The following TRIO variants were observed in gnomAD, a reference collection of about 807,000 sequenced individuals.
TRIO encodes trio Rho guanine nucleotide exchange factor, also known as triple functional domain protein.
A neutral mutation model predicts 351.9 loss-of-function variants in TRIO; 58 were observed. The ratio of observed to expected loss-of-function variants is 0.16; its 90% confidence interval spans 0.13 to 0.21. The LOEUF (loss-of-function observed/expected upper bound fraction) is 0.21, where lower values mean the gene tolerates loss of function less well. Among genes scored for constraint, TRIO ranks in the 10% least tolerant of loss-of-function variants. The pLI is 1.00. For synonymous variants in TRIO, 1,758 were observed against 1,595.7 expected, an observed-to-expected ratio of 1.10 and a Z score of -2.42; for missense variants, 3,201 against 4,027.8, an observed-to-expected ratio of 0.79 and a Z score of 5.56.
chr5:14,317,481 T>C (rs1739472796), intron 9 of TRIO, among the ~76,000 whole-genome samples: 1 of 152,278 alleles, frequency 6.6e-6, no homozygotes, highest in Middle Eastern at 3.4e-3. Flanking sequence ...CCTCAGGAAG[T>C]TGGCTGGGAA....
intron 1 of TRIO, among the ~76,000 whole-genome samples, chr5:14,185,925 G>A (rs530680894): frequency 5.3e-5 from 8 of 152,130 alleles, no homozygotes; most frequent in Admixed American, 2.0e-4. Flanking sequence ...GAGTACCTCC[G>A]CCAGTGAAGA....
chr5:14,308,493 A>T (rs1738585802), intron 8 of TRIO, among the ~76,000 whole-genome samples: 1 of 149,554 alleles, frequency 6.7e-6, no homozygotes, highest in South Asian at 2.1e-4. Context: ...CCAGCCACCC[A>T]TCCGTCCATC....
intron 16 of TRIO, among the ~76,000 whole-genome samples, chr5:14,368,214 T>A (rs1744768759): frequency 6.6e-6 from 1 of 152,248 alleles, no homozygotes; most frequent in Non-Finnish European, 1.5e-5. Flanking sequence ...TTCTTAGCTT[T>A]TTGATTTTTC....
intron 1 of TRIO, among the ~76,000 whole-genome samples, chr5:14,214,797 G>A (rs1182037330): frequency 6.6e-6 from 1 of 152,190 alleles, no homozygotes; most frequent in Non-Finnish European, 1.5e-5. Flanking sequence ...GTAGACAAGT[G>A]TGTGTTCTAT....
chr5:14,421,544 T>C (rs1291925648), intron 34 of TRIO, among the ~76,000 whole-genome samples: 1 of 144,488 alleles, frequency 6.9e-6, no homozygotes, highest in Non-Finnish European at 1.5e-5. Context: ...GCAGAGGTTG[T>C]AGGGAGCAGA....
At chr5:14,156,251 C>A (rs532171700) in intron 1 of TRIO, among the ~76,000 whole-genome samples, 1 of 152,228 alleles carries the variant, frequency 6.6e-6, no homozygotes, top group South Asian at 2.1e-4. Flanking sequence ...GCTTTCCTTG[C>A]CCCAGGGCTG....
intron 1 of TRIO, among the ~76,000 whole-genome samples, chr5:14,264,293 A>C (rs907215379): frequency 2.6e-5 from 4 of 152,176 alleles, no homozygotes; most frequent in African/African-American, 9.7e-5. Flanking sequence ...AATAAAAAAT[A>C]AACTACTTTC....
intron 9 of TRIO, among the ~76,000 whole-genome samples, chr5:14,320,914 C>T (rs1739820383): frequency 6.6e-6 from 1 of 152,172 alleles, no homozygotes; most frequent in Non-Finnish European, 1.5e-5. Flanking sequence ...AAGGTGCTAT[C>T]AGGAGTGAGG....
intron 1 of TRIO, among the ~76,000 whole-genome samples, chr5:14,205,093 G>A (rs367588420): frequency 2.6e-5 from 4 of 152,264 alleles, no homozygotes; most frequent in East Asian, 1.9e-4. Context: ...AAGTGCCCAC[G>A]GATTCAGGAG....
intron 39 of TRIO, among the ~76,000 whole-genome samples, chr5:14,473,538 C>T (rs1754833861): frequency 6.6e-6 from 1 of 152,168 alleles, no homozygotes; most frequent in Non-Finnish European, 1.5e-5. Context: ...ATTCAATCAA[C>T]TGTTGTTTAA....
chr5:14,163,092 C>G (rs543420484), intron 1 of TRIO, among the ~76,000 whole-genome samples: 35 of 152,146 alleles, frequency 2.3e-4, no homozygotes, highest in Non-Finnish European at 4.4e-4. Context: ...TGGTTTGTTA[C>G]ACCTATCAAC....
chr5:14,314,455 A>G (rs1581598159), intron 8 of TRIO, among the ~76,000 whole-genome samples: 1 of 152,244 alleles, frequency 6.6e-6, no homozygotes, highest in African/African-American at 2.4e-5. Context: ...TGGTGATGCG[A>G]GTATTGAGAA....
At chr5:14,436,181 G>A (rs1279977579) in intron 34 of TRIO, among the ~76,000 whole-genome samples, 1 of 152,202 alleles carries the variant, frequency 6.6e-6, no homozygotes, top group Non-Finnish European at 1.5e-5. Flanking sequence ...CATGTGACTG[G>A]GGAGGCGTCA....
intron 48 of TRIO, among the ~76,000 whole-genome samples, chr5:14,490,488 A>G (rs907666747): frequency 6.6e-6 from 1 of 152,150 alleles, no homozygotes; most frequent in Admixed American, 6.5e-5. Context: ...AACCCAAACC[A>G]TGGCTGCACC....
chr5:14,217,048 CAGAGGCCCAG>C (rs1792269868), intron 1 of TRIO, among the ~76,000 whole-genome samples: 1 of 152,192 alleles, frequency 6.6e-6, no homozygotes, highest in Admixed American at 6.5e-5. Flanking sequence ...GGTATGTGAG[CAGAGGCCCAG>C]ATCATGCATT....
rs151186223 is a variant in TRIO at position 14,261,271 on chromosome 5, G to A, written c.158-9554G>A. On this transcript the variant is annotated intron_variant, in intron 1 of 56. Transcript: ENST00000344204. ...GTATAGTGTTTGTTGTGTACCCTTCGTACTCACAGTGAGTCCCAGGCAGGA... is the reference window on the plus strand; with the variant it reads ...GTATAGTGTTTGTTGTGTACCCTTCATACTCACAGTGAGTCCCAGGCAGGA... Among the ~76,000 whole-genome samples, 1,334 of 152,298 alleles carry A rather than the reference G, an allele frequency of 8.8e-3. 14 individuals are homozygous for A. Among genetic ancestry groups the A allele is most frequent in the African/African-American group, 0.03 (1,254 of 41,564 alleles).
At chr5:14,451,856 C>G (rs1561506295) in intron 34 of TRIO, among the ~76,000 whole-genome samples, 1 of 152,238 alleles carries the variant, frequency 6.6e-6, no homozygotes, top group Non-Finnish European at 1.5e-5. Context: ...ATCAAGACAT[C>G]ATTTCATTGT....
intron 11 of TRIO, among the ~76,000 whole-genome samples, chr5:14,351,128 G>A (rs1052055572): frequency 6.6e-6 from 1 of 152,120 alleles, no homozygotes; most frequent in Non-Finnish European, 1.5e-5. Context: ...GTACTGGTCC[G>A]CAGCCCACAC....
At chr5:14,503,098 T>C (rs953492356) in intron 54 of TRIO, among the ~76,000 whole-genome samples, 1 of 152,232 alleles carries the variant, frequency 6.6e-6, no homozygotes, top group African/African-American at 2.4e-5. Context: ...AGGGGTTCTT[T>C]CTCTTCATGA....
Sources: gnomAD v4.1 joint callset for allele counts (sites outside exome capture counted in the v4.1 genomes callset) on GRCh38, gnomAD v4.1.1 for gene constraint, MANE v1.5 for transcripts, NCBI Gene and HGNC (gene_info 2026-07-23, HGNC 2026-07-21) for gene names.